The following MBD3 variants were observed in gnomAD, a reference collection of about 807,000 sequenced individuals.
MBD3 encodes the protein methyl-CpG binding domain protein 3, also known as methyl-CpG-binding domain protein 3.
A neutral mutation model predicts 31.2 loss-of-function variants in MBD3; 13 were observed. The ratio of observed to expected loss-of-function variants is 0.42; its 90% CI spans 0.27 to 0.66. MBD3 has a LOEUF of 0.66. Among genes scored for constraint, MBD3 ranks in the 30% least tolerant of loss-of-function variants. The pLI is 0.26. For missense variants in MBD3, 440 were observed against 426.5 expected, an observed-to-expected ratio of 1.03 and a Z score of -0.28; for synonymous variants, 223 against 187.4, an observed-to-expected ratio of 1.19 and a Z score of -1.55.
In MBD3 at chr19:1,574,495, C is replaced by T. The variant is rs1418235806; in HGVS notation, c.*3669G>A. 6.6e-6 allele frequency: 1 copy of T among 152,564 alleles called. No homozygotes were observed. Among genetic ancestry groups the T allele is most frequent in the Non-Finnish European group, 1.5e-5 (1 of 68,350 alleles). 9.5% of individuals were successfully genotyped at this position (152,564 alleles called of 1,614,324 possible). A position where few individuals can be genotyped will look rare whatever the true frequency, so the allele number is the denominator to read the frequency against. ...TGTCTCTTGCTGAGGGTGGACTCCTCCAGGGGCATCTGCGCCGTGGCCGGT... is the reference window on the plus strand; with the variant it reads ...TGTCTCTTGCTGAGGGTGGACTCCTTCAGGGGCATCTGCGCCGTGGCCGGT... On this transcript the variant is annotated 3_prime_UTR_variant, in exon 7 of 7. Transcript: ENST00000434436.
Position 1,585,648 on chromosome 19 carries a change from C to T in MBD3, c.111-434G>A, listed in dbSNP as rs2060675842. The T allele has an allele frequency of 2.3e-5, 5 of 220,462 alleles. No homozygotes were observed. The highest frequency in any genetic ancestry group is 5.3e-5 in the Admixed American group (1 of 18,920). The allele number at this position is 220,462 out of a possible 1,614,324, so 13.7% of individuals were successfully genotyped here. ...CGCTACTACCTACAGGGCTTTGGGC[C>T]CCGGCTCTGGGAGGATGGCTCACAT... On this transcript the variant is annotated intron_variant, in intron 1 of 6. Coordinates refer to ENST00000434436, the MANE Select transcript of MBD3 (RefSeq NM_001281453.2). This position sits in a 1 kb window ranked among gnomAD's most constrained non-coding sequence, Gnocchi z 4.1.
Position 1,578,683 on chromosome 19 carries a change from C to G in MBD3, c.678-145G>C. 6.6e-7 allele frequency: 1 copy of G among 1,517,894 alleles called. No individual in the cohort carries two copies. Among genetic ancestry groups the G allele is most frequent in the Non-Finnish European group, 9.0e-7 (1 of 1,112,652 alleles). The allele number at this position is 1,517,894 out of a possible 1,614,324, so 94.0% of individuals were successfully genotyped here. A position where few individuals can be genotyped will look rare whatever the true frequency, so the allele number is the denominator to read the frequency against. ...AGGACCAGCCCTGGCCCGTGCCACC[C>G]CTCCCTTCACAATCCACGCAGAGAA... On this transcript the variant is annotated intron_variant, in intron 5 of 6. Coordinates refer to ENST00000434436, the MANE Select transcript of MBD3 (RefSeq NM_001281453.2). This position sits in a 1 kb window ranked among gnomAD's most constrained non-coding sequence, Gnocchi z 6.1.
chr19:1,589,524 G>A (rs1329269481), intron 1 of MBD3, among the ~76,000 whole-genome samples: 8 of 151,220 alleles, frequency 5.3e-5, no homozygotes, highest in Non-Finnish European at 1.0e-4. Context: ...GTTGTGGTGG[G>A]GGCCTGTAAT....
chr19:1,582,994 A>G (rs1254276044), intron 3 of MBD3, among the ~76,000 whole-genome samples: 1 of 152,190 alleles, frequency 6.6e-6, no homozygotes, highest in Non-Finnish European at 1.5e-5. Context: ...ACCTGAGGTC[A>G]GGAGTTTGAG....
At chr19:1,590,054 TC>T (rs1332799881) in intron 1 of MBD3, among the ~76,000 whole-genome samples, 3 of 152,168 alleles carry the variant, frequency 2.0e-5, no homozygotes, top group Non-Finnish European at 4.4e-5. Flanking sequence ...AGGCCTGTAA[TC>T]CCAGCACTTT....
At position 1,574,997 on chromosome 19, in the gene MBD3, G is replaced by A. The variant is rs991246494; in HGVS notation, c.*3167C>T. ...GACTCGGGAGCCCTGTGGTCCGTGT[G>A]GCTGGGCCGAGGGCTGGGAGGTGCA... On this transcript the variant is annotated 3_prime_UTR_variant, in exon 7 of 7. Transcript: ENST00000434436. The A allele has an allele frequency of 2.0e-5, 7 of 355,626 alleles. No individual in the cohort carries two copies. The highest frequency in any genetic ancestry group is 4.0e-5 in the Non-Finnish European group (7 of 176,566). 22.0% of individuals were successfully genotyped at this position (355,626 alleles called of 1,614,324 possible).
chr19:1,578,146 C>G lies in MBD3; in HGVS notation c.*18G>C. On this transcript the variant is annotated 3_prime_UTR_variant, in exon 7 of 7. Transcript: ENST00000434436. This position sits in a 1 kb window ranked among gnomAD's most constrained non-coding sequence, Gnocchi z 6.1. ...GCGGCTCCAGCAGGCAGCACGGGCT[C>G]TCGGCAGGGCCTCTGGAAAGGACAG... 1 of 886,868 alleles carries G rather than the reference C, an allele frequency of 1.1e-6. No individual in the cohort carries two copies. Among genetic ancestry groups the G allele is most frequent in the Non-Finnish European group, 1.7e-6 (1 of 590,604 alleles). The allele number at this position is 886,868 out of a possible 1,614,324, so 54.9% of individuals were successfully genotyped here.
In MBD3 at chr19:1,576,031, GGA is replaced by G. The variant is rs1393806530; in HGVS notation, c.*2131_*2132del. 2 of 152,550 alleles carry G rather than the reference GGA, an allele frequency of 1.3e-5. No individual in the cohort carries two copies. Among genetic ancestry groups the G allele is most frequent in the Non-Finnish European group, 2.9e-5 (2 of 68,374 alleles). The allele number at this position is 152,550 out of a possible 1,614,324, so 9.4% of individuals were successfully genotyped here. ...AGACAGAGACCGAGGGAGAGAGACAGGAGAGAGAGCAAGAAACAAAGAGGGAC... is the reference window on the plus strand; with the variant it reads ...AGACAGAGACCGAGGGAGAGAGACAGGAGAGAGCAAGAAACAAAGAGGGAC... On this transcript the variant is annotated 3_prime_UTR_variant, in exon 7 of 7. Coordinates refer to ENST00000434436, the MANE Select transcript of MBD3 (RefSeq NM_001281453.2).
intron 1 of MBD3, among the ~76,000 whole-genome samples, chr19:1,586,569 C>T (rs1157863822): frequency 6.6e-6 from 1 of 152,074 alleles, no homozygotes; most frequent in Non-Finnish European, 1.5e-5. Context: ...AATGCAATGG[C>T]TCAATCACAG....
At chr19:1,589,996 A>G (rs1444207838) in intron 1 of MBD3, among the ~76,000 whole-genome samples, 1 of 152,200 alleles carries the variant, frequency 6.6e-6, no homozygotes, top group Non-Finnish European at 1.5e-5. Flanking sequence ...ATGGTTGCAC[A>G]ACTTTGTCAA....
At chr19:1,580,215 A>C (rs139238670) in intron 5 of MBD3, among the ~76,000 whole-genome samples, 1 of 152,214 alleles carries the variant, frequency 6.6e-6, no homozygotes, top group African/African-American at 2.4e-5. Flanking sequence ...AACCCAAAAG[A>C]GGGGGCCCAG....
At chr19:1,581,716 G>C in intron 4 of MBD3, 1 of 277,490 alleles carries the variant, frequency 3.6e-6, no homozygotes, top group South Asian at 3.6e-5. Flanking sequence ...CTGTACTTCA[G>C]CATGGGCCAC....
chr19:1,578,364 C>T lies in MBD3; in HGVS notation c.852G>A (p.Pro284=), dbSNP rs557273284. The change falls in exon 6 of 7, where the codon CCG becomes CCA. Residue 284 remains proline, a synonymous_variant. Transcript: ENST00000434436. The surrounding 1 kb of genome is among the most constrained non-coding windows in gnomAD (Gnocchi z 6.1). ...DEEEEEEEPD[P]DPEMEHV ...CCTAGACGTGCTCCATCTCCGGGTC[C>T]GGGTCGGGCTCCTCCTCCTCCTCCT... 234 of 1,603,944 alleles carry T rather than the reference C, an allele frequency of 1.5e-4. 1 individual carries two copies. In the South Asian group the frequency reaches 2.0e-3, roughly 14 times the overall value.
intron 1 of MBD3, among the ~76,000 whole-genome samples, chr19:1,590,320 T>C (rs929360769): frequency 1.3e-5 from 2 of 150,204 alleles, no homozygotes; most frequent in Non-Finnish European, 3.0e-5. Context: ...CACTGAATTG[T>C]ACATTTCTAA....
chr19:1,581,023 G>A, intron 5 of MBD3, 69 bp downstream of exon 5: 1 of 1,585,374 alleles, frequency 6.3e-7, no homozygotes, highest in Admixed American at 1.7e-5. Flanking sequence ...CAGGCACACG[G>A]GGACACTCAG....
intron 1 of MBD3, 78 bp downstream of exon 1, chr19:1,592,444 G>T: frequency 1.6e-6 from 1 of 611,376 alleles, no homozygotes; most frequent in Non-Finnish European, 2.4e-6. Flanking sequence ...CGCGGCCCGG[G>T]GCAGGGGCGC....
chr19:1,592,485 C>G (rs1221538619), intron 1 of MBD3, 37 bp downstream of exon 1: 4 of 1,181,782 alleles, frequency 3.4e-6, no homozygotes, highest in East Asian at 1.0e-4. Flanking sequence ...CTGGGAGGAG[C>G]CCGTTGAGGC....
At position 1,585,410 on chromosome 19, in the gene MBD3, C is replaced by T. The variant is rs1599345629; in HGVS notation, c.111-196G>A. Reference sequence around the variant, plus strand: ...ACCCCAACCCTGGCGTGACCCCAGACCTTCATCCCAGACCCCAGCACCCCA... The same window carrying T: ...ACCCCAACCCTGGCGTGACCCCAGATCTTCATCCCAGACCCCAGCACCCCA... On this transcript the variant is annotated intron_variant, in intron 1 of 6. Transcript: ENST00000434436. The surrounding 1 kb of genome is among the most constrained non-coding windows in gnomAD (Gnocchi z 4.1). The T allele has an allele frequency of 8.3e-6, 5 of 604,620 alleles. No individual in the cohort carries two copies. Among genetic ancestry groups the T allele is most frequent in the Non-Finnish European group, 1.4e-5 (5 of 345,860 alleles). The allele number at this position is 604,620 out of a possible 1,614,324, so 37.5% of individuals were successfully genotyped here. A position where few individuals can be genotyped will look rare whatever the true frequency, so the allele number is the denominator to read the frequency against.
rs772551604 is a variant in MBD3, at chr19:1,578,542, G to C, written c.678-4C>G. On this transcript the variant is annotated splice_region_variant and splice_polypyrimidine_tract_variant and intron_variant, in intron 5 of 6. Transcript: ENST00000434436. This position sits in a 1 kb window ranked among gnomAD's most constrained non-coding sequence, Gnocchi z 6.1. ...CTGCACCAGCTCTTCCTGCTTCCTG[G>C]GGACACATGGACCTTGCGTTACACC... The C allele has an allele frequency of 1.9e-6, 3 of 1,611,896 alleles. No individual in the cohort carries two copies. Among genetic ancestry groups the C allele is most frequent in the South Asian group, 1.1e-5 (1 of 91,082 alleles).
Sources: allele counts gnomAD v4.1 joint callset (sites outside exome capture counted in the v4.1 genomes callset), GRCh38; gene constraint gnomAD v4.1.1; non-coding constraint Gnocchi (gnomAD v3.1); transcripts MANE v1.5; gene names NCBI Gene and HGNC (gene_info 2026-07-23, HGNC 2026-07-21).